Variants in PAFAH1B1 observed in about 807,000 individuals in gnomAD.
The protein encoded by PAFAH1B1 is platelet activating factor acetylhydrolase 1b regulatory subunit 1.
A neutral mutation model predicts 57.5 loss-of-function variants in PAFAH1B1; 2 were observed. That is an observed-to-expected ratio of 0.03 (90% CI 0.01 to 0.11). PAFAH1B1 has a LOEUF of 0.11. Ranked by LOEUF, PAFAH1B1 falls within the 10% of genes least tolerant of loss-of-function variation. PAFAH1B1 has a pLI of 1.00. For synonymous variants in PAFAH1B1, 152 were observed against 169.6 expected, an observed-to-expected ratio of 0.90 and a Z score of 0.81; for missense variants, 257 against 512.0, an observed-to-expected ratio of 0.50 and a Z score of 4.81.
At chr17:2,645,233 A>G (rs2068751674) in intron 2 of PAFAH1B1, among the ~76,000 whole-genome samples, 1 of 152,120 alleles carries the variant, frequency 6.6e-6, no homozygotes, top group Non-Finnish European at 1.5e-5. Context: ...GCAACAGAGC[A>G]AGATCCTGTC....
rs2068052505 is a variant in PAFAH1B1 at position 2,593,900 on chromosome 17, TTCCC to T, written c.-285_-282del. ...CCCAGCGCGCCATCCTCCCCCCTCC[TTCCC>T]TCCCTCCCTCCTTCCTCCCTCCCCT... On this transcript the variant is annotated 5_prime_UTR_variant, in exon 1 of 11. Coordinates refer to ENST00000397195, the MANE Select transcript of PAFAH1B1 (RefSeq NM_000430.4). The T allele has an allele frequency of 1.4e-4, 14 of 99,034 alleles. No homozygotes were observed. The highest frequency in any genetic ancestry group is 6.8e-4 in the East Asian group (4 of 5,852). The allele number at this position is 99,034 out of a possible 1,614,324, so 6.1% of individuals were successfully genotyped here.
intron 1 of PAFAH1B1, among the ~76,000 whole-genome samples, chr17:2,624,653 C>T (rs2068465864): frequency 6.6e-6 from 1 of 152,182 alleles, no homozygotes; most frequent in Non-Finnish European, 1.5e-5. Context: ...CCCGCTGGGT[C>T]CCTTCCGTAA....
rs547565292 is a variant in PAFAH1B1, at chr17:2,649,111, C to T, written c.32+10791C>T. Reference sequence around the variant, plus strand: ...CTGTAACCCGAGCACTTTGGGATGTCGAGGCTGAGACAGGAGGATTGCTTG... The same window carrying T: ...CTGTAACCCGAGCACTTTGGGATGTTGAGGCTGAGACAGGAGGATTGCTTG... On this transcript the variant is annotated intron_variant, in intron 2 of 10. Transcript: ENST00000397195. 6.7e-5 allele frequency among the ~76,000 whole-genome samples: 10 copies of T among 148,452 alleles called. No homozygotes were observed. In the South Asian group the frequency reaches 1.5e-3, roughly 22 times the overall value.
chr17:2,656,888 G>A (rs1270450434), intron 2 of PAFAH1B1, among the ~76,000 whole-genome samples: 1 of 149,138 alleles, frequency 6.7e-6, no homozygotes, highest in Non-Finnish European at 1.5e-5. Flanking sequence ...TCTGTTTCTA[G>A]CCATTTCTCT....
chr17:2,614,802 G>A (rs945291582), intron 1 of PAFAH1B1, among the ~76,000 whole-genome samples: 10 of 151,688 alleles, frequency 6.6e-5, no homozygotes, highest in South Asian at 2.1e-4. Context: ...TGCCCAGGCC[G>A]GTGTTAAACT....
intron 1 of PAFAH1B1, among the ~76,000 whole-genome samples, chr17:2,596,122 G>T (rs1205986548): frequency 1.3e-5 from 2 of 152,088 alleles, no homozygotes; most frequent in African/African-American, 2.4e-5. Flanking sequence ...GGAATAAAAA[G>T]CAATGTCCCT....
chr17:2,666,098 A>C lies in PAFAH1B1; in HGVS notation c.192+8A>C, dbSNP rs1301306921. On this transcript the variant is annotated splice_region_variant and intron_variant, in intron 4 of 10. Transcript: ENST00000397195. ...ATTAGATTACAAAAGAAGGTAACTAAGTCTTTTTTCTTTAAAATTAGTTGT... is the reference window on the plus strand; with the variant it reads ...ATTAGATTACAAAAGAAGGTAACTACGTCTTTTTTCTTTAAAATTAGTTGT... 6.7e-7 allele frequency: 1 copy of C among 1,490,544 alleles called. No homozygotes were observed. Among genetic ancestry groups the C allele is most frequent in the South Asian group, 1.2e-5 (1 of 83,580 alleles). 92.3% of individuals were successfully genotyped at this position (1,490,544 alleles called of 1,614,324 possible).
intron 1 of PAFAH1B1, among the ~76,000 whole-genome samples, chr17:2,595,148 A>G (rs2068070888): frequency 6.6e-6 from 1 of 151,866 alleles, no homozygotes; most frequent in Non-Finnish European, 1.5e-5. Context: ...TGTCATGCCA[A>G]GGTCCCCCCT....
intron 1 of PAFAH1B1, among the ~76,000 whole-genome samples, chr17:2,603,543 C>T (rs1597509341): frequency 6.6e-6 from 1 of 151,912 alleles, no homozygotes; most frequent in African/African-American, 2.4e-5. Flanking sequence ...ATTGCTTGAA[C>T]CCAGGAGGCA....
chr17:2,632,249 A>AT (rs1326036082), intron 1 of PAFAH1B1, among the ~76,000 whole-genome samples: 3 of 152,168 alleles, frequency 2.0e-5, no homozygotes, highest in Admixed American at 1.3e-4. Flanking sequence ...TTTCTGAAAG[A>AT]TTTTTAAAAA....
chr17:2,653,432 A>G (rs1322881161), intron 2 of PAFAH1B1, among the ~76,000 whole-genome samples: 1 of 150,718 alleles, frequency 6.6e-6, no homozygotes, highest in Non-Finnish European at 1.5e-5. Flanking sequence ...AAAAAAAAAG[A>G]TTTGGGTACT....
At chr17:2,624,520 C>A (rs1244465804) in intron 1 of PAFAH1B1, among the ~76,000 whole-genome samples, 1 of 152,124 alleles carries the variant, frequency 6.6e-6, no homozygotes, top group Non-Finnish European at 1.5e-5. Context: ...TCTTACATGT[C>A]AGGGGCAAGA....
At chr17:2,605,573 T>C (rs1358154678) in intron 1 of PAFAH1B1, among the ~76,000 whole-genome samples, 3 of 152,186 alleles carry the variant, frequency 2.0e-5, no homozygotes, top group African/African-American at 7.2e-5. Context: ...GATTCAGCTT[T>C]GGGAAGATAT....
At chr17:2,636,174 T>G (rs1300532875) in intron 1 of PAFAH1B1, among the ~76,000 whole-genome samples, 2 of 152,128 alleles carry the variant, frequency 1.3e-5, no homozygotes, top group Non-Finnish European at 2.9e-5. Flanking sequence ...ACCAAAGAAG[T>G]ATGGTTTACT....
At chr17:2,602,104 G>A (rs956269440) in intron 1 of PAFAH1B1, among the ~76,000 whole-genome samples, 22 of 150,502 alleles carry the variant, frequency 1.5e-4, no homozygotes, top group African/African-American at 5.3e-4. Context: ...TGATGCTATA[G>A]TCTTTATCAT....
chr17:2,681,622 C>T lies in PAFAH1B1; in HGVS notation c.1160-107C>T, dbSNP rs867899581. The T allele has an allele frequency of 2.1e-4, 178 of 839,158 alleles. No homozygotes were observed. In the Middle Eastern group the frequency reaches 3.3e-3, roughly 16 times the overall value. 52.0% of individuals were successfully genotyped at this position (839,158 alleles called of 1,614,324 possible). A position where few individuals can be genotyped will look rare whatever the true frequency, so the allele number is the denominator to read the frequency against. On this transcript the variant is annotated intron_variant, in intron 10 of 10. Coordinates refer to ENST00000397195, the MANE Select transcript of PAFAH1B1 (RefSeq NM_000430.4). ...GACTACAGGCACACACTACCATGCC[C>T]GGCTAATTTTTTTTTTAATTTTGTA... is the stretch of plus-strand genomic sequence containing the variant.
At chr17:2,659,472 G>T (rs8074558) in intron 2 of PAFAH1B1, 3,128 of 234,562 alleles carry the variant, frequency 0.013, 98 homozygotes, top group African/African-American at 0.075. Context: ...GGTGAGCTGA[G>T]ATTGTGCCAC....
chr17:2,601,717 C>T (rs1432765463), intron 1 of PAFAH1B1, among the ~76,000 whole-genome samples: 1 of 152,202 alleles, frequency 6.6e-6, no homozygotes, highest in Admixed American at 6.5e-5. Context: ...GCTGGGATTA[C>T]AGGCATGCAC....
intron 1 of PAFAH1B1, among the ~76,000 whole-genome samples, chr17:2,625,705 C>T (rs890534554): frequency 1.3e-5 from 2 of 152,130 alleles, no homozygotes; most frequent in Non-Finnish European, 2.9e-5. Flanking sequence ...GTGACAGAAT[C>T]GCTTGAGCCC....
Sources: gnomAD v4.1 joint callset for allele counts (sites outside exome capture counted in the v4.1 genomes callset) on GRCh38, gnomAD v4.1.1 for gene constraint, MANE v1.5 for transcripts, NCBI Gene and HGNC (gene_info 2026-07-23, HGNC 2026-07-21) for gene names.